USP15: variants seen among roughly 807,000 people sequenced by gnomAD.
USP15 encodes the protein ubiquitin carboxyl-terminal hydrolase 15.
A neutral mutation model predicts 127.1 loss-of-function variants in USP15; 18 were observed. The observed-to-expected ratio is 0.14, with a 90% CI of 0.10 to 0.21. USP15 has a LOEUF of 0.21. Ranked by LOEUF, USP15 falls within the 10% of genes least tolerant of loss-of-function variation. The pLI, the probability that USP15 is intolerant of heterozygous loss-of-function variation, is 1.00. For missense variants in USP15, 805 were observed against 1,159.9 expected (o/e 0.69, Z 4.44); for synonymous variants, 364 against 393.7 (o/e 0.92, Z 0.89).
At chr12:62,377,455 C>T (rs1450691528) in intron 8 of USP15, among the ~76,000 whole-genome samples, 1 of 152,088 alleles carries the variant, frequency 6.6e-6, no homozygotes, top group East Asian at 1.9e-4. Flanking sequence ...TGCGGTGGCT[C>T]ACGCCTGTAA....
intron 8 of USP15, among the ~76,000 whole-genome samples, chr12:62,360,145 CTTT>C (rs2066269475): frequency 6.6e-6 from 1 of 151,982 alleles, no homozygotes; most frequent in African/African-American, 2.4e-5. Context: ...GTAATGTGGT[CTTT>C]TCCATTGGAA....
intron 7 of USP15, among the ~76,000 whole-genome samples, chr12:62,352,852 G>A (rs912213808): frequency 1.3e-5 from 2 of 151,826 alleles, no homozygotes; most frequent in Non-Finnish European, 2.9e-5. Flanking sequence ...TGTATTTTTA[G>A]TGTATTTTTA....
chr12:62,362,067 G>A (rs955676249), intron 8 of USP15, among the ~76,000 whole-genome samples: 7 of 152,042 alleles, frequency 4.6e-5, no homozygotes, highest in African/African-American at 1.4e-4. Context: ...AGGTCTGTGA[G>A]TTAGGGCATA....
chr12:62,397,459 T>G (rs1180813010), intron 20 of USP15, among the ~76,000 whole-genome samples: 1 of 152,256 alleles, frequency 6.6e-6, no homozygotes, highest in Non-Finnish European at 1.5e-5. Context: ...TCTAAAAATG[T>G]ATCCATTTCA....
Position 62,384,388 on chromosome 12 carries a change from T to C in USP15, c.1473+86T>C, listed in dbSNP as rs180970722. 1,892 of 1,017,426 alleles carry C rather than the reference T, an allele frequency of 1.9e-3. 6 individuals carry two copies. Among genetic ancestry groups the C allele is most frequent in the Non-Finnish European group, 2.5e-3 (1,769 of 719,476 alleles). The allele number at this position is 1,017,426 out of a possible 1,614,324, so 63.0% of individuals were successfully genotyped here. ...TTAAAAAATTAGTGTTGAGTCCTTA[T>C]TATAAAAATTAAGTATTGAATTATC... is the stretch of plus-strand genomic sequence containing the variant. On this transcript the variant is annotated intron_variant, in intron 11 of 21. Transcript: ENST00000280377.
Position 62,409,496 on chromosome 12 carries a change from A to T in USP15, c.*5121A>T, listed in dbSNP as rs539322316. 7 of 152,304 alleles carry T rather than the reference A, an allele frequency of 4.6e-5. No homozygotes were observed. The East Asian group carries it at 1.3e-3, about 29-fold the overall frequency. 9.4% of individuals were successfully genotyped at this position (152,304 alleles called of 1,614,324 possible). The stretch of plus-strand genomic sequence containing the variant: ...TGCACAAAATATATTTTAAATGTTT[A>T]AGTTGTATTGGTAATTTACTATGTT... On this transcript the variant is annotated 3_prime_UTR_variant, in exon 22 of 22. Coordinates refer to ENST00000280377, the MANE Select transcript of USP15 (RefSeq NM_001252078.2).
At chr12:62,326,856 G>A (rs910643877) in intron 6 of USP15, among the ~76,000 whole-genome samples, 26 of 152,144 alleles carry the variant, frequency 1.7e-4, no homozygotes, top group Non-Finnish European at 7.3e-5. Flanking sequence ...TGCCCTCCGG[G>A]TGCAGTGGCA....
intron 11 of USP15, 95 bp from the exon 12 acceptor site, chr12:62,389,336 C>G (rs576084179): frequency 1.9e-6 from 2 of 1,034,800 alleles, no homozygotes; most frequent in East Asian, 5.2e-5. Context: ...ATCCAAATGC[C>G]AAATGAATGT....
chr12:62,278,124 A>G (rs964426021), intron 1 of USP15, among the ~76,000 whole-genome samples: 6 of 152,122 alleles, frequency 3.9e-5, no homozygotes, highest in African/African-American at 1.4e-4. Flanking sequence ...AAACTAAGAG[A>G]CAAACACACA....
chr12:62,365,505 C>T (rs1018018140), intron 8 of USP15, among the ~76,000 whole-genome samples: 1 of 152,084 alleles, frequency 6.6e-6, no homozygotes, highest in African/African-American at 2.4e-5. Flanking sequence ...TGTAGGTTGC[C>T]TGTTCACGCT....
chr12:62,386,934 G>T (rs947199823), intron 11 of USP15, among the ~76,000 whole-genome samples: 1 of 152,114 alleles, frequency 6.6e-6, no homozygotes, highest in Non-Finnish European at 1.5e-5. Context: ...CCAGTTGAAT[G>T]TAGGAAGTGA....
rs757887639 is a variant in USP15 at position 62,391,271 on chromosome 12, A to G, written c.2075A>G (p.Asn692Ser). ...DSVGGDNDSE[N>S]GLCTEDTCKG... ...GTTGGAGGAGATAATGATTCTGAAA[A>G]TGGATTATGTACTGAGGATACTTGC... The change falls in exon 16 of 22, where the codon AAT becomes AGT. Residue 692 changes from asparagine (N) to serine (S), a missense_variant. Asn to Ser is a conservative substitution (Grantham distance 46). Around this residue, in one of 11 missense-constraint regions of USP15, gnomAD observed 225 missense variants for 239.5 expected, o/e 0.94. Transcript: ENST00000280377. The G allele has an allele frequency of 6.2e-7, 1 of 1,613,540 alleles. No individual in the cohort carries two copies. The highest frequency in any genetic ancestry group is 1.7e-5 in the Admixed American group (1 of 59,930).
At chr12:62,343,809 G>A (rs1248914962) in intron 6 of USP15, among the ~76,000 whole-genome samples, 1 of 152,072 alleles carries the variant, frequency 6.6e-6, no homozygotes, top group African/African-American at 2.4e-5. Flanking sequence ...ATCTCCCTGG[G>A]AACCTCAGAC....
At chr12:62,368,813 A>C (rs1204015756) in intron 8 of USP15, among the ~76,000 whole-genome samples, 1 of 152,098 alleles carries the variant, frequency 6.6e-6, no homozygotes, top group East Asian at 1.9e-4. Context: ...ATTTAAGGTG[A>C]ATATTTGTTA....
intron 4 of USP15, 183 bp downstream of exon 4, chr12:62,315,099 A>G: frequency 1.9e-6 from 1 of 522,448 alleles, no homozygotes; most frequent in Non-Finnish European, 2.9e-6. Flanking sequence ...TTTTGCATTT[A>G]TTAAATGAAT....
At chr12:62,300,859 G>A (rs1304159855) in intron 2 of USP15, among the ~76,000 whole-genome samples, 1 of 152,118 alleles carries the variant, frequency 6.6e-6, no homozygotes, top group Non-Finnish European at 1.5e-5. Context: ...TCAAAAGCAA[G>A]GTTGCTAAAA....
chr12:62,269,777 C>G (rs1163828678), intron 1 of USP15, among the ~76,000 whole-genome samples: 1 of 151,998 alleles, frequency 6.6e-6, no homozygotes, highest in Non-Finnish European at 1.5e-5. Flanking sequence ...TGACCATATT[C>G]CATTGTATAG....
At chr12:62,389,771 G>A in intron 13 of USP15, 26 bp from the exon 14 acceptor site, 1 of 1,602,120 alleles carries the variant, frequency 6.2e-7, no homozygotes, top group Non-Finnish European at 8.5e-7. Context: ...AATTTTGAGA[G>A]TTTATGGTCA....
At chr12:62,390,235 G>C (rs2067279093) in intron 14 of USP15, among the ~76,000 whole-genome samples, 1 of 152,154 alleles carries the variant, frequency 6.6e-6, no homozygotes, top group African/African-American at 2.4e-5. Flanking sequence ...TTTACAGTTA[G>C]AAGGACATAG....
Sources: gnomAD v4.1 joint callset for allele counts (sites outside exome capture counted in the v4.1 genomes callset) on GRCh38, gnomAD v4.1.1 for gene constraint, gnomAD v4.1.1 regional missense constraint, MANE v1.5 for transcripts, NCBI Gene and HGNC (gene_info 2026-07-23, HGNC 2026-07-21) for gene names.